APLNR: variants seen among roughly 807,000 people sequenced by gnomAD.
APLNR encodes the protein APJ (apelin) receptor.
APLNR carries 13 observed loss-of-function variants against 23.4 expected under a neutral mutation model. That is an observed-to-expected ratio of 0.56 (90% CI 0.36 to 0.88). The LOEUF is 0.88. Ranked by LOEUF, APLNR falls within the 40% of genes least tolerant of loss-of-function variation. The pLI is 0.01. For missense variants in APLNR, 480 were observed against 517.1 expected, an observed-to-expected ratio of 0.93 and a Z score of 0.70; for synonymous variants, 234 against 211.9, an observed-to-expected ratio of 1.10 and a Z score of -0.91.
At position 57,235,933 on chromosome 11, in the gene APLNR, T is replaced by A. The variant is rs1309136222; in HGVS notation, c.1072A>T (p.Met358Leu). The A allele has an allele frequency of 6.2e-7, 1 of 1,614,238 alleles. No individual in the cohort carries two copies. Among genetic ancestry groups the A allele is most frequent in the Admixed American group, 1.7e-5 (1 of 60,034 alleles). The part of the protein sequence containing the change: ...SGHSQGPGPN[M>L]GKGGEQMHEK... Reference sequence around the variant, plus strand: ...TGCATCTGTTCTCCACCCTTGCCCATGTTGGGGCCGGGCCCCTGGCTGTGC... The same window carrying A: ...TGCATCTGTTCTCCACCCTTGCCCAAGTTGGGGCCGGGCCCCTGGCTGTGC... The change falls in exon 1 of 1, where the codon ATG becomes TTG. Residue 358 changes from methionine to leucine, a missense_variant. Transcript: ENST00000606794.
Position 57,237,106 on chromosome 11 carries a change from A to G in APLNR, c.-102T>C. On this transcript the variant is annotated 5_prime_UTR_variant, in exon 1 of 1. Transcript: ENST00000606794. Reference sequence around the variant, plus strand: ...AGCCTGAATTTCTGGCTTGAGCCTCAGAGAGTAAGAAGGGCTGAAGATGCC... The same window carrying G: ...AGCCTGAATTTCTGGCTTGAGCCTCGGAGAGTAAGAAGGGCTGAAGATGCC... 1 of 1,271,414 alleles carries G rather than the reference A, an allele frequency of 7.9e-7. No individual in the cohort carries two copies. Among genetic ancestry groups the G allele is most frequent in the Non-Finnish European group, 1.1e-6 (1 of 923,214 alleles). 78.8% of individuals were successfully genotyped at this position (1,271,414 alleles called of 1,614,324 possible).
Position 57,235,481 on chromosome 11 carries a change from C to T in APLNR, c.*381G>A, listed in dbSNP as rs183404693. 1.3e-4 allele frequency: 22 copies of T among 168,820 alleles called. No individual in the cohort carries two copies. The highest frequency in any genetic ancestry group is 2.3e-4 in the Non-Finnish European group (18 of 79,592). The allele number at this position is 168,820 out of a possible 1,614,324, so 10.5% of individuals were successfully genotyped here. On this transcript the variant is annotated 3_prime_UTR_variant, in exon 1 of 1. Transcript: ENST00000606794. Reference sequence around the variant, plus strand: ...GCTGCAGAGAGTGGTGGGGGAAAAACTACAAGGAAAGAAGGGAGGAAAGAC... The same window carrying T: ...GCTGCAGAGAGTGGTGGGGGAAAAATTACAAGGAAAGAAGGGAGGAAAGAC...
At position 57,233,852 on chromosome 11, in the gene APLNR, G is replaced by C. The variant is rs941153746; in HGVS notation, c.*2010C>G. On this transcript the variant is annotated 3_prime_UTR_variant, in exon 1 of 1. Coordinates refer to ENST00000606794, the MANE Select transcript of APLNR (RefSeq NM_005161.6). ...TTTGAGGACAGCTCTGGGCAGAGGA[G>C]GTGACTCTGTGAAAGATGCTATCTT... 1 of 152,172 alleles carries C rather than the reference G, an allele frequency of 6.6e-6. No individual in the cohort carries two copies. The highest frequency in any genetic ancestry group is 1.5e-5 in the Non-Finnish European group (1 of 68,058). 9.4% of individuals were successfully genotyped at this position (152,172 alleles called of 1,614,324 possible). A position where few individuals can be genotyped will look rare whatever the true frequency, so the allele number is the denominator to read the frequency against.
In APLNR at chr11:57,236,493, C is replaced by G. The variant is rs761532425; in HGVS notation, c.512G>C (p.Gly171Ala). 3 of 1,614,116 alleles carry G rather than the reference C, an allele frequency of 1.9e-6. No homozygotes were observed. In the Admixed American group the frequency reaches 5.0e-5, roughly 27 times the overall value. Reference protein sequence around the residue: ...AMPVMVLRTTGDLENTTKVQC... With the variant: ...AMPVMVLRTTADLENTTKVQC... ...CACCTTAGTGGTGTTCTCCAAGTCCCCGGTGGTGCGTAACACCATGACAGG... is the reference window on the plus strand; with the variant it reads ...CACCTTAGTGGTGTTCTCCAAGTCCGCGGTGGTGCGTAACACCATGACAGG... The change falls in exon 1 of 1, where the codon GGG (glycine) becomes GCG (alanine). Residue 171 changes from glycine to alanine, a missense_variant. By Grantham distance (60) the Gly-to-Ala change is moderately conservative. Coordinates refer to ENST00000606794, the MANE Select transcript of APLNR (RefSeq NM_005161.6).
Position 57,235,965 on chromosome 11 carries a change from G to A in APLNR, c.1040C>T (p.Ser347Phe). 2 of 1,614,286 alleles carry A rather than the reference G, an allele frequency of 1.2e-6. No homozygotes were observed. The highest frequency in any genetic ancestry group is 1.7e-6 in the Non-Finnish European group (2 of 1,180,048). Residue 347 changes from serine (S) to phenylalanine (F), a missense_variant, in exon 1 of 1, where the codon TCT becomes TTT. Physicochemically the swap from Ser to Phe is radical, Grantham distance 155. Transcript: ENST00000606794. ...SSSGEKSASY[S>F]SGHSQGPGPN... Reference sequence around the variant, plus strand: ...GCCGGGCCCCTGGCTGTGCCCCGAAGAGTAGCTGGCTGACTTCTCCCCACT... The same window carrying A: ...GCCGGGCCCCTGGCTGTGCCCCGAAAAGTAGCTGGCTGACTTCTCCCCACT...
Position 57,236,121 on chromosome 11 carries a change from G to T in APLNR, c.884C>A (p.Thr295Asn), listed in dbSNP as rs200012705. 1.3e-5 allele frequency: 21 copies of T among 1,614,096 alleles called. No individual in the cohort carries two copies. The Admixed American group carries it at 3.3e-4, about 26-fold the overall frequency. ...LFLMNIFPYC[T>N]CISYVNSCLN... ...GCAGCTGTTGACGTAGCTGATGCAG[G>T]TGCAGTAGGGGAAGATGTTCATGAG... The change falls in exon 1 of 1, where the codon ACC (threonine) becomes AAC (asparagine). Residue 295 changes from threonine (T) to asparagine (N), a missense_variant. Transcript: ENST00000606794.
rs202065184 is a variant in APLNR at position 57,236,321 on chromosome 11, G to T, written c.684C>A (p.Ile228=). 8 of 1,614,202 alleles carry T rather than the reference G, an allele frequency of 5.0e-6. No homozygotes were observed. In the East Asian group the frequency reaches 1.3e-4, roughly 27 times the overall value. ...LTCYFFIAQT[I]AGHFRKERIE... is the part of the protein sequence containing the mutation. ...TGCGTTCCTTGCGGAAGTGGCCAGC[G>T]ATGGTTTGGGCGATGAAGAAGTAAC... Residue 228 remains isoleucine, a synonymous_variant, in exon 1 of 1, where the codon ATC becomes ATA. Coordinates refer to ENST00000606794, the MANE Select transcript of APLNR (RefSeq NM_005161.6).
rs1855014765 is a variant in APLNR at position 57,236,453 on chromosome 11, G to A, written c.552C>T (p.Asp184=). The A allele has an allele frequency of 6.2e-7, 1 of 1,614,230 alleles. No individual in the cohort carries two copies. ...AGCTCACAGTGGCCACCATGGAGTA[G>A]TCCATGTAGCACTGCACCTTAGTGG... ...ENTTKVQCYM[D]YSMVATVSSE... Residue 184 remains aspartate (D), a synonymous_variant, in exon 1 of 1, where the codon GAC becomes GAT. Transcript: ENST00000606794.
At position 57,236,148 on chromosome 11, in the gene APLNR, A is replaced by G. The variant is rs762662661; in HGVS notation, c.857T>C (p.Phe286Ser). ...GCAGTAGGGGAAGATGTTCATGAGG[A>G]AGAGGTCAAAGTCACAGGGCCAGTG... ...LLHWPCDFDL[F>S]LMNIFPYCTC... The change falls in exon 1 of 1, where the codon TTC becomes TCC. Residue 286 changes from phenylalanine to serine, a missense_variant. Phe to Ser is a radical substitution (Grantham distance 155, BLOSUM62 -2). Transcript: ENST00000606794. 4.3e-6 allele frequency: 7 copies of G among 1,614,158 alleles called. No homozygotes were observed. The South Asian group carries it at 6.6e-5, about 15-fold the overall frequency.
In APLNR at chr11:57,235,595, C is replaced by A; in HGVS notation, c.*267G>T. 1 of 395,302 alleles carries A rather than the reference C, an allele frequency of 2.5e-6. No individual in the cohort carries two copies. The highest frequency in any genetic ancestry group is 7.0e-5 in the South Asian group (1 of 14,324). The allele number at this position is 395,302 out of a possible 1,614,324, so 24.5% of individuals were successfully genotyped here. A position where few individuals can be genotyped will look rare whatever the true frequency, so the allele number is the denominator to read the frequency against. On this transcript the variant is annotated 3_prime_UTR_variant, in exon 1 of 1. Transcript: ENST00000606794. Reference sequence around the variant, plus strand: ...AACATTTTAGGATCAATATGACTTTCCCCCATTTCATACCAATGGAGAAAC... The same window carrying A: ...AACATTTTAGGATCAATATGACTTTACCCCATTTCATACCAATGGAGAAAC...
At position 57,237,225 on chromosome 11, in the gene APLNR, T is replaced by C; in HGVS notation, c.-221A>G. The C allele has an allele frequency of 1.8e-6, 1 of 551,828 alleles. No homozygotes were observed. The highest frequency in any genetic ancestry group is 3.2e-6 in the Non-Finnish European group (1 of 307,818). The allele number at this position is 551,828 out of a possible 1,614,324, so 34.2% of individuals were successfully genotyped here. On this transcript the variant is annotated 5_prime_UTR_variant, in exon 1 of 1. Transcript: ENST00000606794. Reference sequence around the variant, plus strand: ...CTGCAGAATTTCCTCCACCCTCTCTTGCCTTACCCCCGTCTCAGTTAAGAC... The same window carrying C: ...CTGCAGAATTTCCTCCACCCTCTCTCGCCTTACCCCCGTCTCAGTTAAGAC...
At position 57,235,681 on chromosome 11, in the gene APLNR, C is replaced by T; in HGVS notation, c.*181G>A. 1.4e-6 allele frequency: 1 copy of T among 716,850 alleles called. No individual in the cohort carries two copies. The highest frequency in any genetic ancestry group is 2.2e-6 in the Non-Finnish European group (1 of 450,278). The allele number at this position is 716,850 out of a possible 1,614,324, so 44.4% of individuals were successfully genotyped here. On this transcript the variant is annotated 3_prime_UTR_variant, in exon 1 of 1. Coordinates refer to ENST00000606794, the MANE Select transcript of APLNR (RefSeq NM_005161.6). ...CAGGTCTGTAGAGCCCAGTCTCTTT[C>T]CCCTAAACCACAAACCTCTGAGAAA...
At position 57,236,504 on chromosome 11, in the gene APLNR, T is replaced by C; in HGVS notation, c.501A>G (p.Leu167=). Residue 167 remains leucine (L), a synonymous_variant, in exon 1 of 1, where the codon TTA becomes TTG. Transcript: ENST00000606794. ...AALLAMPVMV[L]RTTGDLENTT... ...TGTTCTCCAAGTCCCCGGTGGTGCG[T>C]AACACCATGACAGGCATGGCCAGGA... The C allele has an allele frequency of 6.2e-7, 1 of 1,614,136 alleles. No individual in the cohort carries two copies. The highest frequency in any genetic ancestry group is 8.5e-7 in the Non-Finnish European group (1 of 1,180,016).
At position 57,236,948 on chromosome 11, in the gene APLNR, A is replaced by T; in HGVS notation, c.57T>A (p.Cys19Ter). The stretch of plus-strand genomic sequence containing the variant: ...CCGAGGATTTCCAGTCTGTGTACTC[A>T]CACTCAGACTGGTTGTCTGCCCCAT... ...NYYGADNQSECEYTDWKSSGA... is the reference protein window; with the variant it reads ...NYYGADNQSE Residue 19 changes from cysteine (C) to a stop codon, truncating the protein, a stop_gained, in exon 1 of 1, where the codon TGT (cysteine) becomes TGA (stop). Coordinates refer to ENST00000606794, the MANE Select transcript of APLNR (RefSeq NM_005161.6). LOFTEE classifies it high-confidence loss of function. 1 of 1,612,756 alleles carries T rather than the reference A, an allele frequency of 6.2e-7. No individual in the cohort carries two copies. Among genetic ancestry groups the T allele is most frequent in the Non-Finnish European group, 8.5e-7 (1 of 1,179,466 alleles).
rs1181111316 is a variant in APLNR, at chr11:57,236,272, G to A, written c.733C>T (p.Arg245Trp). Reference sequence around the variant, plus strand: ...AGCACCACGATGATGCTGAGCAGCCGGCGCCGCTTCCGCAGGCCCTCGATG... The same window carrying A: ...AGCACCACGATGATGCTGAGCAGCCAGCGCCGCTTCCGCAGGCCCTCGATG... Reference protein sequence around the residue: ...ERIEGLRKRRRLLSIIVVLVV... With the variant: ...ERIEGLRKRRWLLSIIVVLVV... Residue 245 changes from arginine to tryptophan, a missense_variant, in exon 1 of 1, where the codon CGG becomes TGG. Coordinates refer to ENST00000606794, the MANE Select transcript of APLNR (RefSeq NM_005161.6). 8 of 1,614,010 alleles carry A rather than the reference G, an allele frequency of 5.0e-6. No homozygotes were observed. The highest frequency in any genetic ancestry group is 4.0e-5 in the African/African-American group (3 of 74,944).
At position 57,236,649 on chromosome 11, in the gene APLNR, C is replaced by G; in HGVS notation, c.356G>C (p.Cys119Ser). 1 of 1,608,068 alleles carries G rather than the reference C, an allele frequency of 6.2e-7. No homozygotes were observed. The highest frequency in any genetic ancestry group is 1.3e-5 in the African/African-American group (1 of 74,960). The change falls in exon 1 of 1, where the codon TGC becomes TCC. Residue 119 changes from cysteine (C) to serine (S), a missense_variant. Physicochemically the swap from Cys to Ser is moderately radical, Grantham distance 112. Transcript: ENST00000606794. ...IFVNMYASVF[C>S]LTGLSFDRYL... ...GCGGTCGAAGCTGAGGCCGGTGAGGCAGAAGACGCTGGCGTACATGTTGAC... is the reference window on the plus strand; with the variant it reads ...GCGGTCGAAGCTGAGGCCGGTGAGGGAGAAGACGCTGGCGTACATGTTGAC...
In APLNR at chr11:57,235,841, G is replaced by C. The variant is rs1380399789; in HGVS notation, c.*21C>G. Reference sequence around the variant, plus strand: ...AGGCCGGGGAGGGCCGAGGGCGCCAGGCTTCTCTCTGCTCCCAGCCCTAGT... The same window carrying C: ...AGGCCGGGGAGGGCCGAGGGCGCCACGCTTCTCTCTGCTCCCAGCCCTAGT... On this transcript the variant is annotated 3_prime_UTR_variant, in exon 1 of 1. Coordinates refer to ENST00000606794, the MANE Select transcript of APLNR (RefSeq NM_005161.6). The C allele has an allele frequency of 1.3e-6, 2 of 1,576,410 alleles. No individual in the cohort carries two copies. The highest frequency in any genetic ancestry group is 3.6e-5 in the Admixed American group (2 of 54,842).
Position 57,236,824 on chromosome 11 carries a change from T to G in APLNR, c.181A>C (p.Arg61=), listed in dbSNP as rs1452552982. 1 of 1,614,170 alleles carries G rather than the reference T, an allele frequency of 6.2e-7. No individual in the cohort carries two copies. The highest frequency in any genetic ancestry group is 8.5e-7 in the Non-Finnish European group (1 of 1,180,044). ...GCAATGAAGATATCAGCTGAGCGCC[T>G]CTTCTCCCGGCTGCTCCGAAACACG... ...WTVFRSSREK[R]RSADIFIASL... The change falls in exon 1 of 1, where the codon AGG becomes CGG. Residue 61 remains arginine, a synonymous_variant. Transcript: ENST00000606794.
chr11:57,236,341 A>C lies in APLNR; in HGVS notation c.664T>G (p.Phe222Val). 1 of 1,614,188 alleles carries C rather than the reference A, an allele frequency of 6.2e-7. No individual in the cohort carries two copies. Among genetic ancestry groups the C allele is most frequent in the Non-Finnish European group, 8.5e-7 (1 of 1,180,008 alleles). ...CCAGCGATGGTTTGGGCGATGAAGA[A>C]GTAACAGGTCAGCATGATGGTGAAG... ...VPFTIMLTCY[F>V]FIAQTIAGHF... The change falls in exon 1 of 1, where the codon TTC becomes GTC. Residue 222 changes from phenylalanine to valine, a missense_variant. Transcript: ENST00000606794.
Sources: allele counts gnomAD v4.1 joint callset, GRCh38; gene constraint gnomAD v4.1.1; transcripts MANE v1.5; gene names NCBI Gene and HGNC (gene_info 2026-07-23, HGNC 2026-07-21).